The following MARCHF10 variants were observed in gnomAD, a reference collection of about 807,000 sequenced individuals.
The protein encoded by MARCHF10 is membrane associated ring-CH-type finger 10.
Under a neutral mutation model 76.2 loss-of-function variants are expected in MARCHF10, and 64 were observed. That is an observed-to-expected ratio of 0.84 (90% CI 0.69 to 1.03). MARCHF10 has a LOEUF of 1.03. Among genes scored for constraint, MARCHF10 ranks in the 50% least tolerant of loss-of-function variants. MARCHF10 has a pLI of 0.00. For synonymous variants in MARCHF10, 340 were observed against 357.5 expected (o/e 0.95, Z 0.55); for missense variants, 875 against 958.0 (o/e 0.91, Z 1.14).
intron 4 of MARCHF10, among the ~76,000 whole-genome samples, chr17:62,757,778 T>C (rs547813258): frequency 6.6e-6 from 1 of 152,346 alleles, no homozygotes; most frequent in East Asian, 1.9e-4. Flanking sequence ...ACAAGTAACA[T>C]CCCTCATTTG....
chr17:62,802,585 C>T (rs546626123), intron 1 of MARCHF10, among the ~76,000 whole-genome samples: 1 of 152,270 alleles, frequency 6.6e-6, no homozygotes, highest in South Asian at 2.1e-4. Flanking sequence ...ATGATAGGCC[C>T]TCTGAAGCAG....
At chr17:62,801,990 T>C (rs772907543) in intron 1 of MARCHF10, among the ~76,000 whole-genome samples, 3 of 152,248 alleles carry the variant, frequency 2.0e-5, no homozygotes, top group Non-Finnish European at 4.4e-5. Context: ...TCAGTGATCC[T>C]GTCCTGGTTA....
rs1038645333 is a variant in MARCHF10 at position 62,712,394 on chromosome 17, C to T, written c.2215-1050G>A. ...CTCATCTGCCTTCTTCCTGCAGCAG[C>T]GCGGGTGCCACATCTTCCTGTTCTC... On this transcript the variant is annotated intron_variant, in intron 8 of 10. Coordinates refer to ENST00000311269, the MANE Select transcript of MARCHF10 (RefSeq NM_152598.4). The surrounding 1 kb of genome is among the most constrained non-coding windows in gnomAD (Gnocchi z 4.2). 2.0e-5 allele frequency among the ~76,000 whole-genome samples: 3 copies of T among 152,352 alleles called. No individual in the cohort carries two copies. The highest frequency in any genetic ancestry group is 2.9e-5 in the Non-Finnish European group (2 of 68,040).
intron 3 of MARCHF10, among the ~76,000 whole-genome samples, chr17:62,775,720 A>G (rs561088049): frequency 2.6e-5 from 4 of 152,318 alleles, no homozygotes; most frequent in African/African-American, 7.2e-5. Context: ...GCTATATGTT[A>G]TAAAATATGT....
At chr17:62,705,253 A>G in intron 10 of MARCHF10, 1 of 1,370,338 alleles carries the variant, frequency 7.3e-7, no homozygotes, top group Non-Finnish European at 9.4e-7. Flanking sequence ...CCAGCAAGGA[A>G]AAGGAACAAA....
intron 3 of MARCHF10, among the ~76,000 whole-genome samples, chr17:62,773,534 T>C (rs1010053870): frequency 2.0e-5 from 3 of 152,132 alleles, no homozygotes; most frequent in African/African-American, 7.2e-5. Context: ...GGAAGGGCTG[T>C]TCTGTTCTTT....
intron 1 of MARCHF10, chr17:62,806,588 A>G (rs1033325810): frequency 5.3e-5 from 8 of 152,268 alleles, no homozygotes; most frequent in Non-Finnish European, 8.8e-5. Flanking sequence ...AGTTGGAGGC[A>G]GGTGGAGAAG....
intron 6 of MARCHF10, among the ~76,000 whole-genome samples, chr17:62,733,681 G>A (rs760442252): frequency 1.3e-4 from 20 of 152,156 alleles, no homozygotes; most frequent in Non-Finnish European, 1.8e-4. Context: ...TAAAGGACAC[G>A]AATGTCCATT....
Position 62,710,550 on chromosome 17 carries a change from C to CTTTTTTTTT in MARCHF10, c.2328+672_2328+680dup, listed in dbSNP as rs552647502. Among the ~76,000 whole-genome samples the CTTTTTTTTT allele has an allele frequency of 2.5e-4, 22 of 88,620 alleles. 2 individuals carry two copies. Among genetic ancestry groups the CTTTTTTTTT allele is most frequent in the African/African-American group, 9.1e-4 (18 of 19,814 alleles). 58.1% of individuals were successfully genotyped at this position (88,620 alleles called of 152,430 possible). Reference sequence around the variant, plus strand: ...CTTATGACTAACAGTTTGAACCCAGCTTTTTTTTTTTTTTTTTTTTTTTTT... The same window carrying CTTTTTTTTT: ...CTTATGACTAACAGTTTGAACCCAGCTTTTTTTTTTTTTTTTTTTTTTTTTTTTTTTTTT... On this transcript the variant is annotated intron_variant, in intron 9 of 10. Transcript: ENST00000311269.
At chr17:62,716,711 A>G (rs1278715392) in intron 8 of MARCHF10, among the ~76,000 whole-genome samples, 2 of 152,044 alleles carry the variant, frequency 1.3e-5, no homozygotes, top group Non-Finnish European at 2.9e-5. Context: ...AAAAATTCTA[A>G]GTGGGAAAAT....
rs1305212747 is a variant in MARCHF10 at position 62,736,497 on chromosome 17, G to C, written c.1371C>G (p.Gly457=). The C allele has an allele frequency of 6.2e-7, 1 of 1,614,166 alleles. No homozygotes were observed. Among genetic ancestry groups the C allele is most frequent in the South Asian group, 1.1e-5 (1 of 91,084 alleles). ...CTGATGATCTTGGAGATATTGGTCTGCCAGAAATAAAGTAGTCAAGAGAAT... is the reference window on the plus strand; with the variant it reads ...CTGATGATCTTGGAGATATTGGTCTCCCAGAAATAAAGTAGTCAAGAGAAT... ...SQNSLDYFIS[G]RPISPRSSVN... is the part of the protein sequence containing the mutation. Residue 457 remains glycine (G), a synonymous_variant, in exon 6 of 11, where the codon GGC becomes GGG. Transcript: ENST00000311269.
chr17:62,800,128 CAGG>C (rs2093047553), intron 2 of MARCHF10, among the ~76,000 whole-genome samples: 1 of 152,028 alleles, frequency 6.6e-6, no homozygotes, highest in East Asian at 1.9e-4. Context: ...ATAAGAATTC[CAGG>C]AGAACAGAGG....
rs567490596 is a variant in MARCHF10 at position 62,769,478 on chromosome 17, C to T, written c.211-9472G>A. ...TGTCACCTAGGCTGAAGTGCAGTGGCGTGATCTCGGCTTACTGTAACCTCC... is the reference window on the plus strand; with the variant it reads ...TGTCACCTAGGCTGAAGTGCAGTGGTGTGATCTCGGCTTACTGTAACCTCC... On this transcript the variant is annotated intron_variant, in intron 3 of 10. Transcript: ENST00000311269. Among the ~76,000 whole-genome samples, 13 of 152,232 alleles carry T rather than the reference C, an allele frequency of 8.5e-5. No individual in the cohort carries two copies. The South Asian group carries it at 2.1e-3, about 24-fold the overall frequency.
At chr17:62,732,736 T>C (rs541331925) in intron 6 of MARCHF10, among the ~76,000 whole-genome samples, 4 of 152,284 alleles carry the variant, frequency 2.6e-5, no homozygotes, top group Non-Finnish European at 4.4e-5. Flanking sequence ...TTCAAGCCTG[T>C]AATTCCAGCA....
At chr17:62,778,952 G>A (rs2092604696) in intron 3 of MARCHF10, among the ~76,000 whole-genome samples, 1 of 152,162 alleles carries the variant, frequency 6.6e-6, no homozygotes, top group African/African-American at 2.4e-5. Flanking sequence ...GGGGCTTGTG[G>A]GACCTGCCAC....
At chr17:62,753,241 A>T (rs1367054729) in intron 4 of MARCHF10, among the ~76,000 whole-genome samples, 2 of 151,922 alleles carry the variant, frequency 1.3e-5, no homozygotes, top group Non-Finnish European at 2.9e-5. Context: ...CGAGTAGATG[A>T]GATTACAGGT....
intron 8 of MARCHF10, among the ~76,000 whole-genome samples, chr17:62,717,479 T>G (rs1030097675): frequency 6.6e-6 from 1 of 152,246 alleles, no homozygotes; most frequent in African/African-American, 2.4e-5. Flanking sequence ...GCACCCCTCC[T>G]GCTCTGTGGC....
chr17:62,756,852 A>C (rs1418909638), intron 4 of MARCHF10, among the ~76,000 whole-genome samples: 1 of 152,206 alleles, frequency 6.6e-6, no homozygotes, highest in Non-Finnish European at 1.5e-5. Flanking sequence ...GCATGGAGAG[A>C]TATAACAAGG....
intron 7 of MARCHF10, among the ~76,000 whole-genome samples, chr17:62,723,559 CTTTTT>C (rs60456766): frequency 2.4e-4 from 19 of 80,364 alleles, no homozygotes; most frequent in African/African-American, 9.8e-4. Flanking sequence ...GTTCGCTTGA[CTTTTT>C]TTTTTTTTTT....
Sources: allele counts gnomAD v4.1 joint callset (sites outside exome capture counted in the v4.1 genomes callset), GRCh38; gene constraint gnomAD v4.1.1; non-coding constraint Gnocchi (gnomAD v3.1); transcripts MANE v1.5; gene names NCBI Gene and HGNC (gene_info 2026-07-23, HGNC 2026-07-21).